LRRC69: variants seen among roughly 807,000 people sequenced by gnomAD.
LRRC69 encodes the protein leucine-rich repeat-containing protein 69.
A neutral mutation model predicts 37.8 loss-of-function variants in LRRC69; 42 were observed. The ratio of observed to expected loss-of-function variants is 1.11; its 90% CI spans 0.87 to 1.44. LRRC69 has a LOEUF of 1.44. LRRC69 is among the 40% of genes most tolerant of loss of function. The pLI is 0.00. For missense variants in LRRC69, 357 were observed against 401.9 expected, an observed-to-expected ratio of 0.89 and a Z score of 0.96; for synonymous variants, 141 against 143.1, an observed-to-expected ratio of 0.99 and a Z score of 0.11.
intron 6 of LRRC69, among the ~76,000 whole-genome samples, chr8:91,192,980 G>A (rs1809527802): frequency 6.6e-6 from 1 of 152,098 alleles, no homozygotes; most frequent in Non-Finnish European, 1.5e-5. Flanking sequence ...TACGGTTTTA[G>A]ATCTAACGTT....
At chr8:91,215,969 G>A (rs1307446328) in intron 7 of LRRC69, among the ~76,000 whole-genome samples, 1 of 152,180 alleles carries the variant, frequency 6.6e-6, no homozygotes, top group Non-Finnish European at 1.5e-5. Flanking sequence ...AGAATTTCAT[G>A]TTATGCAAAC....
intron 5 of LRRC69, among the ~76,000 whole-genome samples, chr8:91,159,091 C>G (rs181390312): frequency 6.6e-6 from 1 of 151,324 alleles, no homozygotes; most frequent in Non-Finnish European, 1.5e-5. Flanking sequence ...CAAAGGAACA[C>G]TATTAAGGTT....
intron 1 of LRRC69, among the ~76,000 whole-genome samples, chr8:91,113,935 T>G (rs1266464236): frequency 8.5e-6 from 1 of 117,934 alleles, no homozygotes; most frequent in Admixed American, 9.9e-5. Context: ...AGACCAGGAG[T>G]TCAAGACCAA....
intron 5 of LRRC69, among the ~76,000 whole-genome samples, chr8:91,157,001 C>CTGGTTTAAA: frequency 6.6e-6 from 1 of 151,034 alleles, no homozygotes; most frequent in Non-Finnish European, 1.5e-5. Context: ...CAGTTCTATG[C>CTGGTTTAAA]TGTTTTGGTT....
chr8:91,200,722 CAT>C lies in LRRC69; in HGVS notation c.864_865del (p.Ala290AsnfsTer48), dbSNP rs780623199. On this transcript the variant is annotated frameshift_variant, in exon 7 of 8. Transcript: ENST00000448384. LOFTEE classifies it high-confidence loss of function. The stretch of plus-strand genomic sequence containing the variant: ...AGGAGCATGATCTCTCAGGGAAAAA[CAT>C]GTGCAATATGTGGACAGTACTTTAT... 9.8e-6 allele frequency: 15 copies of C among 1,537,692 alleles called. No homozygotes were observed. The South Asian group carries it at 1.7e-4, about 18-fold the overall frequency.
chr8:91,180,754 A>C (rs1809310387), intron 5 of LRRC69, among the ~76,000 whole-genome samples: 1 of 152,126 alleles, frequency 6.6e-6, no homozygotes, highest in Non-Finnish European at 1.5e-5. Flanking sequence ...GGTAGTTTAG[A>C]GGGAATGAGG....
intron 5 of LRRC69, among the ~76,000 whole-genome samples, chr8:91,169,791 G>A (rs1405201338): frequency 7.2e-6 from 1 of 138,174 alleles, no homozygotes; most frequent in African/African-American, 2.8e-5. Context: ...TTTTGTTCTT[G>A]CGATAGTTTA....
chr8:91,107,663 G>A (rs979543896), intron 1 of LRRC69, among the ~76,000 whole-genome samples: 1 of 151,972 alleles, frequency 6.6e-6, no homozygotes, highest in African/African-American at 2.4e-5. Flanking sequence ...GATAAAATGA[G>A]GGGGTAGGGG....
At chr8:91,108,284 A>G (rs1813354165) in intron 1 of LRRC69, among the ~76,000 whole-genome samples, 1 of 151,994 alleles carries the variant, frequency 6.6e-6, no homozygotes, top group Admixed American at 6.6e-5. Flanking sequence ...CTTTAACCCA[A>G]TCAACTTCAT....
chr8:91,196,702 C>T (rs1809608247), intron 6 of LRRC69, among the ~76,000 whole-genome samples: 1 of 151,414 alleles, frequency 6.6e-6, no homozygotes, highest in South Asian at 2.1e-4. Flanking sequence ...CCATCAGCTC[C>T]TTTAAGCACT....
At chr8:91,181,336 T>C (rs1809321205) in intron 5 of LRRC69, among the ~76,000 whole-genome samples, 1 of 152,148 alleles carries the variant, frequency 6.6e-6, no homozygotes, top group Non-Finnish European at 1.5e-5. Flanking sequence ...GAAATATAAA[T>C]GTGTGATGAA....
At chr8:91,215,978 A>G (rs1390208436) in intron 7 of LRRC69, among the ~76,000 whole-genome samples, 3 of 152,216 alleles carry the variant, frequency 2.0e-5, no homozygotes, top group Non-Finnish European at 4.4e-5. Context: ...TGTTATGCAA[A>G]CATTACTAGA....
At chr8:91,124,613 G>A in exon 2 of LRRC69, 1 of 1,533,694 alleles carries the variant, frequency 6.5e-7, no homozygotes, top group Non-Finnish European at 8.8e-7. Flanking sequence ...TGCACCTGGA[G>A]CCTGTGGTAA....
At chr8:91,169,858 C>CT (rs1300386558) in intron 5 of LRRC69, among the ~76,000 whole-genome samples, 6 of 127,548 alleles carry the variant, frequency 4.7e-5, no homozygotes, top group Admixed American at 4.0e-4. Flanking sequence ...TGAACTCATC[C>CT]TTTTTTATGG....
At chr8:91,191,963 T>C (rs1238184612) in intron 6 of LRRC69, among the ~76,000 whole-genome samples, 2 of 150,980 alleles carry the variant, frequency 1.3e-5, no homozygotes, top group Non-Finnish European at 3.0e-5. Flanking sequence ...TCATCTAGCA[T>C]TAGGTATATC....
rs771662668 is a variant in LRRC69 at position 91,218,966 on chromosome 8, G to A, written c.1010G>A (p.Arg337His). The A allele has an allele frequency of 2.0e-5, 31 of 1,550,758 alleles. No individual in the cohort carries two copies. Among genetic ancestry groups the A allele is most frequent in the South Asian group, 3.6e-5 (3 of 83,994 alleles). ...TGTTCTTACAAATGTTTTACTCAAC[G>A]TGACCCTAACCTCTTTGGAATTGCT... is the stretch of plus-strand genomic sequence containing the variant. Residue 337 changes from arginine to histidine, a missense_variant, in exon 8 of 8, where the codon CGT becomes CAT. Coordinates refer to ENST00000448384, the Ensembl canonical transcript of LRRC69.
chr8:91,157,214 T>A (rs1179081219), intron 5 of LRRC69: 2 of 1,072,422 alleles, frequency 1.9e-6, no homozygotes, highest in African/African-American at 3.1e-5. Flanking sequence ...TGTAATATAA[T>A]CACTTTAACA....
intron 5 of LRRC69, 22 bp from the exon 6 acceptor site, chr8:91,189,500 G>A: frequency 6.8e-7 from 1 of 1,461,006 alleles, no homozygotes; most frequent in Non-Finnish European, 9.4e-7. Context: ...TGTGCAATAA[G>A]GTTTTTATTT....
Position 91,210,034 on chromosome 8 carries a change from C to T in LRRC69, c.934-8856C>T, listed in dbSNP as rs111286930. Among the ~76,000 whole-genome samples the T allele has an allele frequency of 4.2e-3, 636 of 152,224 alleles. 3 individuals are homozygous for T. The highest frequency in any genetic ancestry group is 0.014 in the African/African-American group (598 of 41,542). On this transcript the variant is annotated intron_variant, in intron 7 of 7. Coordinates refer to ENST00000448384, the Ensembl canonical transcript of LRRC69. ...TAAAATGTAACGTTAGAAGCATTGTCATAAAGCATTATATACCCATACTAT... is the reference window on the plus strand; with the variant it reads ...TAAAATGTAACGTTAGAAGCATTGTTATAAAGCATTATATACCCATACTAT...
Sources: allele counts gnomAD v4.1 joint callset (sites outside exome capture counted in the v4.1 genomes callset), GRCh38; gene constraint gnomAD v4.1.1; transcripts MANE v1.5; gene names NCBI Gene and HGNC (gene_info 2026-07-23, HGNC 2026-07-21).